The following MGAT4A variants were observed in gnomAD, a reference collection of about 807,000 sequenced individuals.
The protein encoded by MGAT4A is N-acetylglucosaminyltransferase IVa.
In MGAT4A, 33 loss-of-function variants were observed where a neutral mutation model predicts 74.1. That is an observed-to-expected ratio of 0.45 (90% CI 0.34 to 0.60). The LOEUF (loss-of-function observed/expected upper bound fraction) is 0.60, where lower values mean the gene tolerates loss of function less well. MGAT4A is among the 20% of genes least tolerant of loss of function. The pLI is 0.02. For synonymous variants in MGAT4A, 198 were observed against 210.4 expected (o/e 0.94, Z 0.51); for missense variants, 479 against 628.3 (o/e 0.76, Z 2.54).
intron 8 of MGAT4A, among the ~76,000 whole-genome samples, chr2:98,651,637 A>G (rs1165357938): frequency 6.6e-6 from 1 of 152,198 alleles, no homozygotes; most frequent in African/African-American, 2.4e-5. Context: ...AGAAAGCAGC[A>G]AGAGAGGAAA....
rs191068496 is a variant in MGAT4A at position 98,717,704 on chromosome 2, C to T, written c.94+8535G>A. On this transcript the variant is annotated intron_variant, in intron 2 of 15. Coordinates refer to ENST00000393487, the MANE Select transcript of MGAT4A (RefSeq NM_012214.3). Reference sequence around the variant, plus strand: ...ATAATAAAGTTTTTAAAAACATTTACTGCTGTTCAACTTACTGTTTAATTT... The same window carrying T: ...ATAATAAAGTTTTTAAAAACATTTATTGCTGTTCAACTTACTGTTTAATTT... Among the ~76,000 whole-genome samples the T allele has an allele frequency of 7.2e-5, 11 of 152,310 alleles. No individual in the cohort carries two copies. In the East Asian group the frequency reaches 2.1e-3, roughly 29 times the overall value.
chr2:98,729,885 G>A (rs1384765101), intron 1 of MGAT4A, among the ~76,000 whole-genome samples: 1 of 152,114 alleles, frequency 6.6e-6, no homozygotes, highest in Non-Finnish European at 1.5e-5. Flanking sequence ...CACCACAATT[G>A]TGGCAAAATT....
intron 2 of MGAT4A, among the ~76,000 whole-genome samples, chr2:98,716,972 T>C (rs1290240742): frequency 6.6e-6 from 1 of 152,202 alleles, no homozygotes; most frequent in East Asian, 1.9e-4. Flanking sequence ...ATTTTCCATC[T>C]GTGGTTGGCT....
intron 3 of MGAT4A, among the ~76,000 whole-genome samples, chr2:98,675,403 G>T (rs1370022231): frequency 6.6e-6 from 1 of 152,172 alleles, no homozygotes. Context: ...AAAATGGCCA[G>T]CTAGAGGACC....
intron 14 of MGAT4A, among the ~76,000 whole-genome samples, chr2:98,632,146 A>T (rs1335090893): frequency 6.6e-6 from 1 of 152,126 alleles, no homozygotes; most frequent in African/African-American, 2.4e-5. Context: ...ATAAAAAGGC[A>T]GGGGGTCTAA....
chr2:98,704,333 A>C (rs1381639740), intron 2 of MGAT4A, among the ~76,000 whole-genome samples: 2 of 152,064 alleles, frequency 1.3e-5, no homozygotes, highest in African/African-American at 4.8e-5. Context: ...GATTGCTTGA[A>C]CTCAGGAGTT....
intron 2 of MGAT4A, among the ~76,000 whole-genome samples, chr2:98,683,894 G>A (rs921753168): frequency 2.6e-5 from 4 of 152,136 alleles, no homozygotes; most frequent in South Asian, 2.1e-4. Context: ...TTTCTAGCCC[G>A]GATGCTATTG....
chr2:98,645,472 G>C lies in MGAT4A; in HGVS notation c.845C>G (p.Ser282Cys), dbSNP rs1418634328. The change falls in exon 9 of 16, where the codon TCT becomes TGT. Residue 282 changes from serine (S) to cysteine (C), a missense_variant. By Grantham distance (112) the Ser-to-Cys change is moderately radical. Around this residue, in one of 3 missense-constraint regions of MGAT4A, gnomAD observed 236 missense variants for 308.2 expected, o/e 0.77. Transcript: ENST00000393487. The part of the protein sequence containing the change: ...TIKNFALQLS[S>C]EEWMILEFSQ... ...AAACTCTAGAATCATCCATTCCTCA[G>C]AAGAAAGTTGAAGTGCAAAATTTTT... is the stretch of plus-strand genomic sequence containing the variant. 3 of 1,592,886 alleles carry C rather than the reference G, an allele frequency of 1.9e-6. No individual in the cohort carries two copies. Among genetic ancestry groups the C allele is most frequent in the Non-Finnish European group, 2.6e-6 (3 of 1,175,238 alleles).
intron 2 of MGAT4A, among the ~76,000 whole-genome samples, chr2:98,692,487 T>A (rs1279732552): frequency 6.6e-6 from 1 of 152,206 alleles, no homozygotes; most frequent in Non-Finnish European, 1.5e-5. Context: ...GCTATGGCAG[T>A]CTACAGTGGT....
At chr2:98,695,202 A>AT (rs2104307025) in intron 2 of MGAT4A, 1 of 152,172 alleles carries the variant, frequency 6.6e-6, no homozygotes, top group South Asian at 2.1e-4. Flanking sequence ...TGCCAGGCTA[A>AT]TTTTTTGTAT....
At chr2:98,715,317 CAAAAAAAAAAAA>C (rs201860893) in intron 2 of MGAT4A, among the ~76,000 whole-genome samples, 1 of 63,256 alleles carries the variant, frequency 1.6e-5, no homozygotes, top group East Asian at 4.2e-4. Flanking sequence ...GACTTCATCT[CAAAAAAAAAAAA>C]AAAAAAAAAA....
At chr2:98,722,576 T>C (rs1224953330) in intron 2 of MGAT4A, among the ~76,000 whole-genome samples, 1 of 152,144 alleles carries the variant, frequency 6.6e-6, no homozygotes, top group African/African-American at 2.4e-5. Flanking sequence ...CTAAAGGGTA[T>C]AGGATTTCTT....
At chr2:98,677,273 C>T (rs920095676) in intron 3 of MGAT4A, among the ~76,000 whole-genome samples, 2 of 152,100 alleles carry the variant, frequency 1.3e-5, no homozygotes, top group African/African-American at 2.4e-5. Flanking sequence ...TTTAAGAGCA[C>T]GAATTGCTTC....
chr2:98,727,427 T>A (rs1226662606), intron 1 of MGAT4A, among the ~76,000 whole-genome samples: 1 of 152,206 alleles, frequency 6.6e-6, no homozygotes, highest in African/African-American at 2.4e-5. Context: ...AAATGTCAAC[T>A]GTACTAAAAA....
intron 2 of MGAT4A, among the ~76,000 whole-genome samples, chr2:98,712,702 CATA>C (rs1702534237): frequency 6.6e-6 from 1 of 152,328 alleles, no homozygotes; most frequent in South Asian, 2.1e-4. Context: ...GTTAGAAAAT[CATA>C]TTATCTCATC....
chr2:98,680,092 G>C (rs1302140279), intron 2 of MGAT4A, among the ~76,000 whole-genome samples: 5 of 147,632 alleles, frequency 3.4e-5, no homozygotes, highest in African/African-American at 1.3e-4. Context: ...CCAGGCTTGA[G>C]TACAGTGGCG....
intron 2 of MGAT4A, among the ~76,000 whole-genome samples, chr2:98,690,895 A>G (rs968538610): frequency 6.6e-6 from 1 of 152,244 alleles, no homozygotes; most frequent in African/African-American, 2.4e-5. Context: ...GGAGAGAATC[A>G]GTGATCCTCA....
intron 2 of MGAT4A, among the ~76,000 whole-genome samples, chr2:98,696,315 A>G (rs1702274757): frequency 6.6e-6 from 1 of 152,238 alleles, no homozygotes; most frequent in Non-Finnish European, 1.5e-5. Context: ...AGCACTTGCC[A>G]TCTCTGGGCT....
At chr2:98,635,427 T>A in intron 13 of MGAT4A, 139 bp from the exon 14 acceptor site, 1 of 583,714 alleles carries the variant, frequency 1.7e-6, no homozygotes, top group Non-Finnish European at 2.9e-6. Flanking sequence ...AGTCTTGAAC[T>A]TTAAAAAACT....
Sources: gnomAD v4.1 joint callset for allele counts (sites outside exome capture counted in the v4.1 genomes callset) on GRCh38, gnomAD v4.1.1 for gene constraint, gnomAD v4.1.1 regional missense constraint, MANE v1.5 for transcripts, NCBI Gene and HGNC (gene_info 2026-07-23, HGNC 2026-07-21) for gene names.